The following FAM135A variants were observed in gnomAD, a reference collection of about 807,000 sequenced individuals.
FAM135A encodes protein FAM135A.
Under a neutral mutation model 146.8 loss-of-function variants are expected in FAM135A, and 79 were observed. The observed-to-expected ratio is 0.54, with a 90% confidence interval of 0.45 to 0.65. The LOEUF is 0.65. FAM135A is among the 30% of genes least tolerant of loss of function. FAM135A has a pLI of 0.00. For synonymous variants in FAM135A, 562 were observed against 603.6 expected, an observed-to-expected ratio of 0.93 and a Z score of 1.01; for missense variants, 1,623 against 1,758.2, an observed-to-expected ratio of 0.92 and a Z score of 1.38.
intron 12 of FAM135A, among the ~76,000 whole-genome samples, chr6:70,511,828 T>C (rs1791055380): frequency 6.6e-6 from 1 of 151,930 alleles, no homozygotes; most frequent in Admixed American, 6.6e-5. Context: ...CTGTTACTCC[T>C]ACGCTACAAA....
chr6:70,538,222 A>C (rs982835551), intron 19 of FAM135A, 69 bp from the exon 20 acceptor site: 11 of 943,850 alleles, frequency 1.2e-5, no homozygotes, highest in Non-Finnish European at 1.6e-5. Context: ...TATATATTAA[A>C]ATTAATAATC....
chr6:70,434,981 T>C (rs1226588110), intron 4 of FAM135A, among the ~76,000 whole-genome samples: 1 of 151,016 alleles, frequency 6.6e-6, no homozygotes, highest in African/African-American at 2.4e-5. Context: ...TTCCTTGTCA[T>C]AAGATAAACT....
chr6:70,533,150 C>G lies in FAM135A; in HGVS notation c.3776-10C>G. On this transcript the variant is annotated splice_polypyrimidine_tract_variant and intron_variant, in intron 16 of 21. Coordinates refer to ENST00000418814, the MANE Select transcript of FAM135A (RefSeq NM_001162529.3). ...ATCTCATCCTTTAAACATCATTTTT[C>G]ATTTTTTAGGAAACAGTGCAGATCT... 6.2e-7 allele frequency: 1 copy of G among 1,605,648 alleles called. No homozygotes were observed. The highest frequency in any genetic ancestry group is 8.5e-7 in the Non-Finnish European group (1 of 1,173,312).
In FAM135A at chr6:70,561,017, C is replaced by T. The variant is rs1217196277; in HGVS notation, c.*1096C>T. ...TTTTACTTGTGAAAATAAAAATGCA[C>T]TAAGGTTGGGTAGAAGTTCTGTTTG... On this transcript the variant is annotated 3_prime_UTR_variant, in exon 22 of 22. Transcript: ENST00000418814. 6.6e-6 allele frequency: 1 copy of T among 152,478 alleles called. No homozygotes were observed. The highest frequency in any genetic ancestry group is 2.4e-5 in the African/African-American group (1 of 41,426). 9.4% of individuals were successfully genotyped at this position (152,478 alleles called of 1,614,324 possible). A position where few individuals can be genotyped will look rare whatever the true frequency, so the allele number is the denominator to read the frequency against.
intron 5 of FAM135A, among the ~76,000 whole-genome samples, chr6:70,454,866 C>T (rs922351254): frequency 6.6e-6 from 1 of 152,062 alleles, no homozygotes; most frequent in East Asian, 1.9e-4. Context: ...GGTAGCATGA[C>T]GTCTCCAGCT....
intron 4 of FAM135A, among the ~76,000 whole-genome samples, chr6:70,431,368 G>T (rs996238413): frequency 6.6e-6 from 1 of 152,180 alleles, no homozygotes; most frequent in Admixed American, 6.5e-5. Flanking sequence ...GATTGGCCGG[G>T]CACTAGCTGG....
intron 20 of FAM135A, among the ~76,000 whole-genome samples, chr6:70,553,865 C>G (rs1428089927): frequency 6.6e-6 from 1 of 152,012 alleles, no homozygotes; most frequent in Non-Finnish European, 1.5e-5. Context: ...GCAACATGTA[C>G]TACATATGAA....
At chr6:70,454,603 T>C (rs1453356678) in intron 5 of FAM135A, among the ~76,000 whole-genome samples, 1 of 152,146 alleles carries the variant, frequency 6.6e-6, no homozygotes, top group African/African-American at 2.4e-5. Context: ...AAGGAAGGGG[T>C]CCAGTTTCAG....
intron 12 of FAM135A, among the ~76,000 whole-genome samples, chr6:70,519,631 G>T (rs753555637): frequency 3.3e-5 from 5 of 152,190 alleles, no homozygotes; most frequent in African/African-American, 4.8e-5. Flanking sequence ...CCTTCCAGCA[G>T]CAAAAGTAGC....
At chr6:70,556,627 T>C in intron 20 of FAM135A, 123 bp from the exon 21 acceptor site, 1 of 595,580 alleles carries the variant, frequency 1.7e-6, no homozygotes, top group Non-Finnish European at 2.8e-6. Flanking sequence ...CATCAAGTAT[T>C]GACAAAGTCA....
At chr6:70,516,824 C>T (rs898250380) in intron 12 of FAM135A, among the ~76,000 whole-genome samples, 2 of 151,908 alleles carry the variant, frequency 1.3e-5, no homozygotes, top group East Asian at 1.9e-4. Flanking sequence ...TGTGAGCCAC[C>T]GTGCCCAGCC....
chr6:70,481,326 AG>A (rs1783662997), intron 9 of FAM135A, among the ~76,000 whole-genome samples: 1 of 152,222 alleles, frequency 6.6e-6, no homozygotes, highest in South Asian at 2.1e-4. Flanking sequence ...GAGCCTTTAA[AG>A]AACAATTGAC....
At chr6:70,465,569 G>A (rs896465698) in intron 5 of FAM135A, among the ~76,000 whole-genome samples, 2 of 152,206 alleles carry the variant, frequency 1.3e-5, no homozygotes, top group African/African-American at 4.8e-5. Flanking sequence ...TTGTACATAT[G>A]GAGCCTAACT....
intron 2 of FAM135A, among the ~76,000 whole-genome samples, chr6:70,422,086 T>C (rs1451168640): frequency 6.6e-6 from 1 of 152,236 alleles, no homozygotes; most frequent in East Asian, 1.9e-4. Flanking sequence ...TTTGCTCTGT[T>C]GTTGAATTTT....
chr6:70,486,313 A>T (rs576341362), intron 10 of FAM135A: 2 of 1,323,248 alleles, frequency 1.5e-6, no homozygotes, highest in African/African-American at 2.9e-5. Context: ...GCTTTAAATT[A>T]GCATCAGATT....
At chr6:70,511,881 A>G (rs1791070957) in intron 12 of FAM135A, among the ~76,000 whole-genome samples, 1 of 151,898 alleles carries the variant, frequency 6.6e-6, no homozygotes. Context: ...GTTGCAACAC[A>G]GTGGTATTTG....
intron 18 of FAM135A, among the ~76,000 whole-genome samples, chr6:70,534,312 C>CTTTTTTTTTTTTTTTTTTTT (rs1179072858): frequency 7.8e-5 from 7 of 89,804 alleles, no homozygotes; most frequent in African/African-American, 3.3e-4. Flanking sequence ...AGTTTGTATA[C>CTTTTTTTTTTTTTTTTTTTT]TTTTTTTTTT....
intron 2 of FAM135A, among the ~76,000 whole-genome samples, chr6:70,425,507 G>T (rs117576345): frequency 6.6e-6 from 1 of 152,174 alleles, no homozygotes; most frequent in Admixed American, 6.5e-5. Flanking sequence ...AGCTGGTAAA[G>T]TCTACATCTT....
At chr6:70,509,022 C>T (rs936478758) in intron 12 of FAM135A, among the ~76,000 whole-genome samples, 4 of 152,124 alleles carry the variant, frequency 2.6e-5, no homozygotes, top group African/African-American at 9.7e-5. Flanking sequence ...ACTTAAAATG[C>T]GTGCACTGTT....
Sources: gnomAD v4.1 joint callset for allele counts (sites outside exome capture counted in the v4.1 genomes callset) on GRCh38, gnomAD v4.1.1 for gene constraint, MANE v1.5 for transcripts, NCBI Gene and HGNC (gene_info 2026-07-23, HGNC 2026-07-21) for gene names.